Variants in ALKBH1 observed in about 807,000 individuals in gnomAD.
ALKBH1 encodes nucleic acid dioxygenase ALKBH1.
ALKBH1 carries 31 observed loss-of-function variants against 36.6 expected under a neutral mutation model. The observed-to-expected ratio is 0.85, with a 90% CI of 0.64 to 1.14. The LOEUF (loss-of-function observed/expected upper bound fraction) is 1.14. ALKBH1 is among the 50% of genes most tolerant of loss of function. The probability of loss-of-function intolerance (pLI) is 0.00; values close to 1 mark genes in which losing one functional copy is unlikely to be tolerated. For missense variants in ALKBH1, 490 were observed against 497.3 expected (o/e 0.99, Z 0.14); for synonymous variants, 183 against 186.6 (o/e 0.98, Z 0.16).
chr14:77,687,135 TG>T (rs2139851875), intron 3 of ALKBH1, among the ~76,000 whole-genome samples: 1 of 152,356 alleles, frequency 6.6e-6, no homozygotes, highest in Non-Finnish European at 1.5e-5. Flanking sequence ...TTTCCTTCTA[TG>T]TCAGTGAGAA....
At chr14:77,676,078 C>T (rs776421754) in intron 4 of ALKBH1, among the ~76,000 whole-genome samples, 7 of 151,044 alleles carry the variant, frequency 4.6e-5, no homozygotes, top group Non-Finnish European at 8.8e-5. Context: ...CTCACTGTAG[C>T]CTAGACCTCC....
At chr14:77,683,879 T>C (rs2080252931) in intron 3 of ALKBH1, 1 of 157,302 alleles carries the variant, frequency 6.4e-6, no homozygotes, top group African/African-American at 2.4e-5. Flanking sequence ...GCTGACAATA[T>C]CATCCCTCTT....
chr14:77,677,778 G>A (rs2080213777), intron 4 of ALKBH1, among the ~76,000 whole-genome samples: 1 of 152,068 alleles, frequency 6.6e-6, no homozygotes, highest in Admixed American at 6.6e-5. Context: ...AAAACTCAAA[G>A]TGTGATTAAA....
chr14:77,687,737 C>A (rs2080275851), intron 3 of ALKBH1, among the ~76,000 whole-genome samples: 1 of 152,134 alleles, frequency 6.6e-6, no homozygotes, highest in African/African-American at 2.4e-5. Flanking sequence ...TTCCTCATAT[C>A]CTTCTGGCTG....
intron 2 of ALKBH1, among the ~76,000 whole-genome samples, chr14:77,697,537 C>G (rs1446354154): frequency 1.3e-5 from 2 of 152,026 alleles, no homozygotes. Flanking sequence ...ATGAAGATAG[C>G]GTCCCCTCCA....
intron 2 of ALKBH1, among the ~76,000 whole-genome samples, chr14:77,701,446 C>G (rs2139865137): frequency 6.6e-6 from 1 of 152,324 alleles, no homozygotes; most frequent in Non-Finnish European, 1.5e-5. Context: ...TACGCCTTAA[C>G]CACTGGTGTG....
Position 77,704,407 on chromosome 14 carries a change from A to C in ALKBH1, c.254T>G (p.Val85Gly). 6.2e-7 allele frequency: 1 copy of C among 1,614,156 alleles called. No individual in the cohort carries two copies. Among genetic ancestry groups the C allele is most frequent in the Non-Finnish European group, 8.5e-7 (1 of 1,179,994 alleles). The change falls in exon 2 of 6, where the codon GTC (valine) becomes GGC (glycine). Residue 85 changes from valine (V) to glycine (G), a missense_variant. Coordinates refer to ENST00000216489, the MANE Select transcript of ALKBH1 (RefSeq NM_006020.3). ...GAGTCCATAGGCTTGCCACTTGCTG[A>C]CGGGCTGAAGACCTGCTCTATATGC... ...QNAYRAGLQP[V>G]SKWQAYGLKG...
At chr14:77,689,380 T>C (rs1020131470) in intron 3 of ALKBH1, among the ~76,000 whole-genome samples, 1 of 152,206 alleles carries the variant, frequency 6.6e-6, no homozygotes, top group African/African-American at 2.4e-5. Flanking sequence ...TTCTTCTTCA[T>C]AGCTATCCTA....
intron 3 of ALKBH1, among the ~76,000 whole-genome samples, chr14:77,693,169 G>A (rs1331660754): frequency 6.8e-6 from 1 of 147,418 alleles, no homozygotes; most frequent in Non-Finnish European, 1.5e-5. Flanking sequence ...TCATGCCATT[G>A]CACTCCAGCC....
At chr14:77,700,074 A>AAT (rs1180067286) in intron 2 of ALKBH1, among the ~76,000 whole-genome samples, 2 of 150,954 alleles carry the variant, frequency 1.3e-5, no homozygotes, top group Admixed American at 6.6e-5. Flanking sequence ...TAAATAAATA[A>AAT]AAATAAATAA....
Position 77,679,930 on chromosome 14 carries a change from C to T in ALKBH1, c.496G>A (p.Glu166Lys), listed in dbSNP as rs1354612251. The change falls in exon 4 of 6, where the codon GAG becomes AAG. Residue 166 changes from glutamate (E) to lysine (K), a missense_variant. By Grantham distance (56) the Glu-to-Lys change is moderately conservative. Transcript: ENST00000216489. Reference protein sequence around the residue: ...ATKRRPRSLLEKLRWVTVGYH... With the variant: ...ATKRRPRSLLKKLRWVTVGYH... The stretch of plus-strand genomic sequence containing the variant: ...CCTACGGTCACCCAACGCAGTTTCT[C>T]CAGTAAACTTCGGGGTCTCCGTTTA... 2 of 1,614,162 alleles carry T rather than the reference C, an allele frequency of 1.2e-6. No homozygotes were observed. The highest frequency in any genetic ancestry group is 2.2e-5 in the South Asian group (2 of 91,090).
chr14:77,675,407 C>G (rs551395552), intron 5 of ALKBH1, among the ~76,000 whole-genome samples: 1 of 151,318 alleles, frequency 6.6e-6, no homozygotes, highest in Non-Finnish European at 1.5e-5. Context: ...GTATTCCAGC[C>G]TGGGTGACAG....
chr14:77,705,464 GA>G, intron 1 of ALKBH1, among the ~76,000 whole-genome samples: 1 of 148,464 alleles, frequency 6.7e-6, no homozygotes, highest in Middle Eastern at 3.5e-3. Context: ...TAAACAGACA[GA>G]AAAAATGTTG....
rs1239317939 is a variant in ALKBH1, at chr14:77,673,759, T to G, written c.*53A>C. The stretch of plus-strand genomic sequence containing the variant: ...AAGTCCACGGCAATACACAATAACA[T>G]GATCATTTACGGTAAGCAGGTGCCT... On this transcript the variant is annotated 3_prime_UTR_variant, in exon 6 of 6. Transcript: ENST00000216489. 4 of 1,545,220 alleles carry G rather than the reference T, an allele frequency of 2.6e-6. No individual in the cohort carries two copies. Among genetic ancestry groups the G allele is most frequent in the Non-Finnish European group, 3.5e-6 (4 of 1,137,226 alleles).
At position 77,694,867 on chromosome 14, in the gene ALKBH1, C is replaced by T; in HGVS notation, c.326G>A (p.Gly109Asp). Residue 109 changes from glycine to aspartate, a missense_variant, in exon 3 of 6, where the codon GGT becomes GAT. Coordinates refer to ENST00000216489, the MANE Select transcript of ALKBH1 (RefSeq NM_006020.3). The part of the protein sequence containing the change: ...FIFIPNPFLP[G>D]YQWHWVKQCL... ...CTGTTTCACCCAGTGCCACTGGTAA[C>T]CTGGGAGGAAGGGGTTTGGGATAAA... 6.4e-7 allele frequency: 1 copy of T among 1,574,772 alleles called. No individual in the cohort carries two copies. The highest frequency in any genetic ancestry group is 8.6e-7 in the Non-Finnish European group (1 of 1,163,618).
intron 1 of ALKBH1, 74 bp downstream of exon 1, chr14:77,707,748 G>A (rs2080404028): frequency 6.7e-7 from 1 of 1,500,890 alleles, no homozygotes; most frequent in African/African-American, 1.4e-5. Context: ...GAAAAGAGGC[G>A]AAGAAGACAC....
chr14:77,707,679 A>G (rs1224577683), intron 1 of ALKBH1, 143 bp downstream of exon 1: 1 of 849,010 alleles, frequency 1.2e-6, no homozygotes, highest in Non-Finnish European at 1.7e-6. Flanking sequence ...GTTAGTGGGG[A>G]GTTCGACTCT....
chr14:77,704,603 C>A (rs1299512131), intron 1 of ALKBH1, 126 bp from the exon 2 acceptor site: 2 of 721,812 alleles, frequency 2.8e-6, no homozygotes, highest in Non-Finnish European at 4.8e-6. Flanking sequence ...GATACAGAAC[C>A]TTGCTCTATT....
chr14:77,690,153 T>A (rs1321134452), intron 3 of ALKBH1, among the ~76,000 whole-genome samples: 2 of 152,090 alleles, frequency 1.3e-5, no homozygotes, highest in African/African-American at 4.8e-5. Context: ...GGGAAGAGCT[T>A]CCTAGGTAGA....
Sources: allele counts gnomAD v4.1 joint callset (sites outside exome capture counted in the v4.1 genomes callset), GRCh38; gene constraint gnomAD v4.1.1; transcripts MANE v1.5; gene names NCBI Gene and HGNC (gene_info 2026-07-23, HGNC 2026-07-21).